SGCE: variants seen among roughly 807,000 people sequenced by gnomAD.
SGCE encodes the protein epsilon-sarcoglycan.
A neutral mutation model predicts 57.8 loss-of-function variants in SGCE; 26 were observed. The observed-to-expected ratio is 0.45, with a 90% CI of 0.33 to 0.62. SGCE has a LOEUF of 0.62. Ranked by LOEUF, SGCE falls within the 20% of genes least tolerant of loss-of-function variation. SGCE has a pLI of 0.02. For missense variants in SGCE, 468 were observed against 548.6 expected (o/e 0.85, Z 1.47); for synonymous variants, 183 against 189.5 (o/e 0.97, Z 0.28).
chr7:94,591,551 C>T (rs1025663949), intron 9 of SGCE, among the ~76,000 whole-genome samples: 2 of 152,104 alleles, frequency 1.3e-5, no homozygotes, highest in African/African-American at 4.8e-5. Flanking sequence ...AACAAAGACA[C>T]ATGTTTTCCA....
intron 7 of SGCE, chr7:94,600,404 G>C: frequency 1.5e-5 from 7 of 457,848 alleles, no homozygotes; most frequent in Non-Finnish European, 2.0e-5. Flanking sequence ...TGTTTTGCCA[G>C]TGTGAATTTA....
chr7:94,595,624 A>G (rs1584506205), intron 9 of SGCE, among the ~76,000 whole-genome samples: 1 of 152,154 alleles, frequency 6.6e-6, no homozygotes, highest in Admixed American at 6.5e-5. Context: ...TGAGAATTCA[A>G]TTCAATCCAA....
At chr7:94,641,306 G>A (rs1806349141) in intron 1 of SGCE, among the ~76,000 whole-genome samples, 2 of 152,180 alleles carry the variant, frequency 1.3e-5, no homozygotes, top group Admixed American at 6.5e-5. Context: ...AACTGCAAAA[G>A]GTCAAGATGT....
chr7:94,642,035 C>T (rs1806464553), intron 1 of SGCE, among the ~76,000 whole-genome samples: 1 of 152,058 alleles, frequency 6.6e-6, no homozygotes, highest in Non-Finnish European at 1.5e-5. Context: ...ACAACTATTA[C>T]ATATCCATAA....
chr7:94,634,091 C>T (rs1049096572), intron 1 of SGCE, among the ~76,000 whole-genome samples: 7 of 152,192 alleles, frequency 4.6e-5, no homozygotes, highest in Middle Eastern at 3.4e-3. Flanking sequence ...TATTTATGTC[C>T]GGGTGACTTT....
intron 1 of SGCE, among the ~76,000 whole-genome samples, chr7:94,652,254 T>C (rs1462185820): frequency 1.3e-5 from 2 of 151,990 alleles, no homozygotes; most frequent in Non-Finnish European, 2.9e-5. Context: ...ACACTGGAGG[T>C]AGGAAATAAG....
intron 1 of SGCE, among the ~76,000 whole-genome samples, chr7:94,642,757 C>G (rs1021088199): frequency 6.6e-6 from 1 of 152,170 alleles, no homozygotes; most frequent in African/African-American, 2.4e-5. Flanking sequence ...GGACAAGAAA[C>G]AGGTGGCCAA....
intron 9 of SGCE, chr7:94,590,538 G>A (rs1253465261): frequency 6.6e-6 from 1 of 152,116 alleles, no homozygotes; most frequent in Non-Finnish European, 1.5e-5. Context: ...ATTAGTTTAT[G>A]AAAATGTACA....
At chr7:94,597,390 A>T (rs928532955) in intron 9 of SGCE, 1 of 152,158 alleles carries the variant, frequency 6.6e-6, no homozygotes, top group Admixed American at 6.5e-5. Flanking sequence ...TAGTCTATCT[A>T]TACTACTTAT....
At chr7:94,587,250 T>G in intron 10 of SGCE, 1 of 985,812 alleles carries the variant, frequency 1.0e-6, no homozygotes, top group African/African-American at 1.7e-5. Context: ...TGCTAAAAAA[T>G]CTATGTGACT....
intron 9 of SGCE, chr7:94,588,963 C>G: frequency 1.9e-6 from 1 of 538,504 alleles, no homozygotes; most frequent in East Asian, 3.3e-5. Context: ...GGGCTATACT[C>G]TAAAGTACCT....
chr7:94,649,188 ATAATC>A (rs2117091139), intron 1 of SGCE, among the ~76,000 whole-genome samples: 1 of 152,370 alleles, frequency 6.6e-6, no homozygotes, highest in Non-Finnish European at 1.5e-5. Flanking sequence ...TGGTTTTTAA[ATAATC>A]AAATGCACTT....
At chr7:94,639,597 T>G in intron 1 of SGCE, 1 of 605,088 alleles carries the variant, frequency 1.7e-6, no homozygotes, top group Non-Finnish European at 2.9e-6. Flanking sequence ...ATTTGTTGTA[T>G]GTCAATACAA....
intron 1 of SGCE, 54 bp downstream of exon 1, chr7:94,655,936 G>C: frequency 8.6e-7 from 1 of 1,159,790 alleles, no homozygotes; most frequent in African/African-American, 1.5e-5. Flanking sequence ...CGGGGGAGGG[G>C]GAGGCGGCGG....
At position 94,599,699 on chromosome 7, in the gene SGCE, T is replaced by C. The variant is rs756552102; in HGVS notation, c.1062A>G (p.Pro354=). ...EGVEKRNMQT[P]DIQLVHHSAI... ...ATAACAGGAAAGAAGACACTTACTC[T>C]GGTGTTTGCATGTTTCTCTTTTCCC... The change falls in exon 8 of 11, where the codon CCA becomes CCG. Residue 354 remains proline (P), a splice_region_variant and synonymous_variant. Transcript: ENST00000648936. 1 of 1,609,690 alleles carries C rather than the reference T, an allele frequency of 6.2e-7. No homozygotes were observed. Among genetic ancestry groups the C allele is most frequent in the Non-Finnish European group, 8.5e-7 (1 of 1,176,308 alleles).
intron 5 of SGCE, among the ~76,000 whole-genome samples, chr7:94,607,645 T>C (rs1273280849): frequency 6.6e-6 from 1 of 152,072 alleles, no homozygotes; most frequent in Non-Finnish European, 1.5e-5. Context: ...TAGAGGGGAA[T>C]TTCCTCAATT....
intron 10 of SGCE, chr7:94,587,908 TAATA>T (rs1307101906): frequency 3.4e-6 from 5 of 1,475,910 alleles, no homozygotes; most frequent in East Asian, 5.4e-5. Flanking sequence ...GAGACTTACT[TAATA>T]GTTTCCCTAC....
intron 3 of SGCE, chr7:94,626,105 G>T (rs1023462044): frequency 6.6e-6 from 1 of 151,958 alleles, no homozygotes; most frequent in South Asian, 2.1e-4. Context: ...GTTTATTGGC[G>T]TTTGTGTCTC....
chr7:94,610,527 C>G (rs2116807031), intron 5 of SGCE, among the ~76,000 whole-genome samples: 1 of 152,084 alleles, frequency 6.6e-6, no homozygotes, highest in East Asian at 1.9e-4. Context: ...ACAAAAAAAT[C>G]AAAGACTTTA....
Sources: allele counts gnomAD v4.1 joint callset (sites outside exome capture counted in the v4.1 genomes callset), GRCh38; gene constraint gnomAD v4.1.1; transcripts MANE v1.5; gene names NCBI Gene and HGNC (gene_info 2026-07-23, HGNC 2026-07-21).